The following PLGRKT variants were observed in gnomAD, a reference collection of about 807,000 sequenced individuals.
PLGRKT encodes plasminogen receptor with a C-terminal lysine.
PLGRKT carries 22 observed loss-of-function variants against 18.5 expected under a neutral mutation model. The observed-to-expected ratio is 1.19, with a 90% CI of 0.85 to 1.70. PLGRKT has a LOEUF of 1.70. PLGRKT is among the 40% of genes most tolerant of loss of function. The pLI, the probability that PLGRKT is intolerant of heterozygous loss-of-function variation, is 0.00. For missense variants in PLGRKT, 235 were observed against 174.4 expected (o/e 1.35, Z -1.96); for synonymous variants, 72 against 52.8 (o/e 1.36, Z -1.58).
Position 5,358,069 on chromosome 9 carries a change from T to C in PLGRKT, c.*170A>G, listed in dbSNP as rs1164242392. 88 of 490,246 alleles carry C rather than the reference T, an allele frequency of 1.8e-4. No individual in the cohort carries two copies. The highest frequency in any genetic ancestry group is 1.8e-5 in the Non-Finnish European group (5 of 283,132). 30.4% of individuals were successfully genotyped at this position (490,246 alleles called of 1,614,324 possible). Reference sequence around the variant, plus strand: ...AAGTTATTTAGAGCACCTCCATGATTTTGTGTTGAATGTTATAAATTTTAT... The same window carrying C: ...AAGTTATTTAGAGCACCTCCATGATCTTGTGTTGAATGTTATAAATTTTAT... On this transcript the variant is annotated 3_prime_UTR_variant, in exon 6 of 6. Coordinates refer to ENST00000223864, the MANE Select transcript of PLGRKT (RefSeq NM_018465.4).
intron 3 of PLGRKT, among the ~76,000 whole-genome samples, chr9:5,371,385 C>A (rs1367709254): frequency 6.6e-6 from 1 of 152,108 alleles, no homozygotes; most frequent in Non-Finnish European, 1.5e-5. Context: ...TGGGAGGGAA[C>A]CAGGTGGAAG....
intron 3 of PLGRKT, among the ~76,000 whole-genome samples, chr9:5,387,421 G>A (rs1278146813): frequency 6.6e-6 from 1 of 151,828 alleles, no homozygotes; most frequent in Non-Finnish European, 1.5e-5. Flanking sequence ...CAGCAGAATG[G>A]ATAATTATGG....
At chr9:5,430,799 C>G (rs963382532) in intron 3 of PLGRKT, among the ~76,000 whole-genome samples, 25 of 152,204 alleles carry the variant, frequency 1.6e-4, no homozygotes, top group Non-Finnish European at 3.1e-4. Flanking sequence ...TGTCTGAAAT[C>G]TTAGGAAAAT....
chr9:5,411,025 T>A (rs1038714246), intron 3 of PLGRKT, among the ~76,000 whole-genome samples: 5 of 152,004 alleles, frequency 3.3e-5, no homozygotes, highest in African/African-American at 1.2e-4. Context: ...ATAATGAAAC[T>A]AGAGATGAAA....
intron 3 of PLGRKT, among the ~76,000 whole-genome samples, chr9:5,367,899 C>G (rs1041602947): frequency 1.3e-5 from 2 of 151,834 alleles, no homozygotes; most frequent in East Asian, 1.9e-4. Flanking sequence ...TAAGCAAAAA[C>G]CAAATAATCC....
intron 3 of PLGRKT, among the ~76,000 whole-genome samples, chr9:5,383,103 G>C (rs539804881): frequency 6.6e-6 from 1 of 152,194 alleles, no homozygotes; most frequent in African/African-American, 2.4e-5. Context: ...GACACACAGA[G>C]TAGAGAGGCC....
intron 3 of PLGRKT, among the ~76,000 whole-genome samples, chr9:5,405,080 AG>A (rs1328520147): frequency 6.6e-6 from 1 of 152,190 alleles, no homozygotes; most frequent in Non-Finnish European, 1.5e-5. Flanking sequence ...AGGGAAGTGA[AG>A]GACCTCTTCA....
intron 3 of PLGRKT, among the ~76,000 whole-genome samples, chr9:5,384,743 C>G (rs1055551753): frequency 7.9e-5 from 12 of 151,870 alleles, no homozygotes; most frequent in African/African-American, 2.9e-4. Context: ...TACCTCTTAA[C>G]TAACCAAGCA....
intron 3 of PLGRKT, among the ~76,000 whole-genome samples, chr9:5,415,345 CAA>C (rs1301453609): frequency 6.6e-6 from 1 of 151,966 alleles, no homozygotes; most frequent in Non-Finnish European, 1.5e-5. Context: ...AATAAACACA[CAA>C]AGAAGGGACA....
chr9:5,402,887 C>G (rs1048549258), intron 3 of PLGRKT, among the ~76,000 whole-genome samples: 1 of 151,696 alleles, frequency 6.6e-6, no homozygotes, highest in Non-Finnish European at 1.5e-5. Flanking sequence ...AAAGTAAATA[C>G]TAAGTATTGA....
chr9:5,361,994 C>A, intron 3 of PLGRKT, 106 bp from the exon 4 acceptor site: 1 of 1,098,786 alleles, frequency 9.1e-7, no homozygotes, highest in South Asian at 1.4e-5. Flanking sequence ...TGCTTTAATT[C>A]ATGTTTTTTC....
At chr9:5,396,266 C>T (rs1297781053) in intron 3 of PLGRKT, among the ~76,000 whole-genome samples, 1 of 151,618 alleles carries the variant, frequency 6.6e-6, no homozygotes, top group African/African-American at 2.4e-5. Flanking sequence ...CTAACAAGAA[C>T]ACAACAAAAT....
rs916907711 is a variant in PLGRKT, at chr9:5,382,995, T to A, written c.82-21107A>T. 3.2e-4 allele frequency among the ~76,000 whole-genome samples: 49 copies of A among 152,174 alleles called. 1 individual carries two copies. Among genetic ancestry groups the A allele is most frequent in the Non-Finnish European group, 5.9e-5 (4 of 68,030 alleles). ...CAGAAACCTAAGAATGTGACCTTAT[T>A]TGGAAGTCTTTGGGGGATATAATTA... On this transcript the variant is annotated intron_variant, in intron 3 of 5. Transcript: ENST00000223864.
At position 5,417,069 on chromosome 9, in the gene PLGRKT, C is replaced by T. The variant is rs186012134; in HGVS notation, c.81+14828G>A. Among the ~76,000 whole-genome samples the T allele has an allele frequency of 2.0e-3, 305 of 152,270 alleles. 1 individual carries two copies. The highest frequency in any genetic ancestry group is 6.9e-3 in the African/African-American group (287 of 41,544). On this transcript the variant is annotated intron_variant, in intron 3 of 5. Coordinates refer to ENST00000223864, the MANE Select transcript of PLGRKT (RefSeq NM_018465.4). The stretch of plus-strand genomic sequence containing the variant: ...TTGCATTTAGATACAGTCCTTCTTA[C>T]TGTAACTAAGCTAACTTATTTCCAT...
In PLGRKT at chr9:5,437,922, C is replaced by T. The variant is rs1466191578; in HGVS notation, c.-266G>A. ...GCGCCCAGACACAGTAGATGACGCA[C>T]CTCAGCCAATTCGCGCAGCCCTCAG... is the stretch of plus-strand genomic sequence containing the variant. On this transcript the variant is annotated 5_prime_UTR_variant, in exon 1 of 6. The change creates a new upstream start codon in the 5' untranslated region. Transcript: ENST00000223864. 1 of 152,294 alleles carries T rather than the reference C, an allele frequency of 6.6e-6. No individual in the cohort carries two copies. Among genetic ancestry groups the T allele is most frequent in the Non-Finnish European group, 1.5e-5 (1 of 68,098 alleles). 9.4% of individuals were successfully genotyped at this position (152,294 alleles called of 1,614,324 possible). A position where few individuals can be genotyped will look rare whatever the true frequency, so the allele number is the denominator to read the frequency against.
intron 3 of PLGRKT, among the ~76,000 whole-genome samples, chr9:5,372,428 TA>T (rs2131077803): frequency 6.6e-6 from 1 of 152,298 alleles, no homozygotes; most frequent in African/African-American, 2.4e-5. Context: ...GAATCCATCC[TA>T]AACAGTAGTT....
chr9:5,419,485 T>C (rs143800257), intron 3 of PLGRKT, among the ~76,000 whole-genome samples: 1,704 of 152,160 alleles, frequency 0.011, 31 homozygotes, highest in African/African-American at 0.039. Context: ...CCTGGGTGCC[T>C]GCCCAGCTGA....
At chr9:5,364,721 C>T (rs758984890) in intron 3 of PLGRKT, among the ~76,000 whole-genome samples, 3 of 152,154 alleles carry the variant, frequency 2.0e-5, no homozygotes, top group Non-Finnish European at 2.9e-5. Context: ...CTGTCTCTCA[C>T]GAGTTACAGA....
chr9:5,433,370 CTGCCTGACCGTCCA>C (rs1818874097), intron 2 of PLGRKT, among the ~76,000 whole-genome samples: 1 of 146,350 alleles, frequency 6.8e-6, no homozygotes, highest in Non-Finnish European at 1.5e-5. Flanking sequence ...AGGAGCATCT[CTGCCTGACCGTCCA>C]CCGTCTGGGA....
Sources: allele counts gnomAD v4.1 joint callset (sites outside exome capture counted in the v4.1 genomes callset), GRCh38; gene constraint gnomAD v4.1.1; transcripts MANE v1.5; gene names NCBI Gene and HGNC (gene_info 2026-07-23, HGNC 2026-07-21).